Variants in RFPL1 observed in about 807,000 individuals in gnomAD.
The protein encoded by RFPL1 is ret finger protein-like 1.
RFPL1 carries 6 observed loss-of-function variants against 9.6 expected under a neutral mutation model. The observed-to-expected ratio is 0.62, with a 90% CI of 0.34 to 1.23. The LOEUF (loss-of-function observed/expected upper bound fraction) is 1.23. RFPL1 is among the 50% of genes most tolerant of loss of function. The pLI is 0.03. For missense variants in RFPL1, 352 were observed against 398.4 expected (o/e 0.88, Z 0.99); for synonymous variants, 145 against 149.4 (o/e 0.97, Z 0.22).
the RFPL1 span, among the ~76,000 whole-genome samples, chr22:29,406,321 G>A: frequency 6.6e-6 from 1 of 151,748 alleles, no homozygotes; most frequent in African/African-American, 2.4e-5. Context: ...ATTGAACACT[G>A]TTGGGCATTT....
chr22:29,428,713 A>G, the RFPL1 span, among the ~76,000 whole-genome samples: 2 of 152,238 alleles, frequency 1.3e-5, no homozygotes, highest in African/African-American at 4.8e-5. Context: ...CTACAAAAAG[A>G]TATAAATCAA....
chr22:29,406,683 T>G, the RFPL1 span, among the ~76,000 whole-genome samples: 1 of 152,224 alleles, frequency 6.6e-6, no homozygotes, highest in Non-Finnish European at 1.5e-5. Flanking sequence ...GGATCAAAAC[T>G]TTCATCTGTG....
the RFPL1 span, chr22:29,433,576 C>T: frequency 3.0e-5 from 5 of 165,540 alleles, no homozygotes; most frequent in African/African-American, 4.8e-5. Context: ...GTATAACCTG[C>T]GCTCGGCCCA....
the RFPL1 span, among the ~76,000 whole-genome samples, chr22:29,409,730 A>T: frequency 6.6e-6 from 1 of 152,172 alleles, no homozygotes; most frequent in Non-Finnish European, 1.5e-5. Flanking sequence ...CTGACCATGT[A>T]TATTATAGAA....
intron 1 of RFPL1, chr22:29,440,884 C>T (rs1395547134): frequency 6.6e-6 from 1 of 152,340 alleles, no homozygotes; most frequent in Non-Finnish European, 1.5e-5. Flanking sequence ...CAACAAACAA[C>T]TTTCAAATAC....
chr22:29,441,018 A>C (rs1388442895), intron 1 of RFPL1: 2 of 155,122 alleles, frequency 1.3e-5, no homozygotes, highest in Admixed American at 6.3e-5. Flanking sequence ...CCTAATGTCC[A>C]GGACCGGCAC....
the RFPL1 span, among the ~76,000 whole-genome samples, chr22:29,410,991 CAGA>C: frequency 6.6e-6 from 1 of 152,120 alleles, no homozygotes; most frequent in Non-Finnish European, 1.5e-5. Context: ...AGTCACCATG[CAGA>C]AGAACACCCG....
In RFPL1 at chr22:29,441,619, T is replaced by C. The variant is rs1278984691; in HGVS notation, c.451T>C (p.Cys151Arg). The C allele has an allele frequency of 7.4e-6, 12 of 1,613,692 alleles. No individual in the cohort carries two copies. Among genetic ancestry groups the C allele is most frequent in the Admixed American group, 1.7e-5 (1 of 59,968 alleles). The change falls in exon 2 of 2, where the codon TGC (cysteine) becomes CGC (arginine). Residue 151 changes from cysteine to arginine, a missense_variant. Transcript: ENST00000354373. ...CGACCTCAGGAGCGTCCGAAGTGGGTGCATCACACAGAATCGGCAAGACCT... is the reference window on the plus strand; with the variant it reads ...CGACCTCAGGAGCGTCCGAAGTGGGCGCATCACACAGAATCGGCAAGACCT...
chr22:29,435,736 A>T (rs1270815742), upstream of RFPL1, among the ~76,000 whole-genome samples: 4 of 152,182 alleles, frequency 2.6e-5, no homozygotes, highest in Non-Finnish European at 5.9e-5. Flanking sequence ...AAAAATCTTT[A>T]TTTAATATGT....
the RFPL1 span, among the ~76,000 whole-genome samples, chr22:29,425,203 CAAAAA>C: frequency 1.3e-5 from 1 of 78,524 alleles, no homozygotes; most frequent in Non-Finnish European, 2.6e-5. Context: ...GACTCCGTCT[CAAAAA>C]AAAAAAAAAA....
the RFPL1 span, among the ~76,000 whole-genome samples, chr22:29,425,429 G>A: frequency 2.0e-5 from 3 of 152,114 alleles, no homozygotes; most frequent in Non-Finnish European, 4.4e-5. Flanking sequence ...ACCATGGAAA[G>A]GTCCTGGGAC....
At chr22:29,394,619 GGCGTGA>G in the RFPL1 span, among the ~76,000 whole-genome samples, 11 of 152,260 alleles carry the variant, frequency 7.2e-5, no homozygotes, top group Non-Finnish European at 1.3e-4. Context: ...TGGGATTACA[GGCGTGA>G]GCCACTGCAC....
At chr22:29,436,587 A>G (rs1389483026), upstream of RFPL1, 3 of 150,280 alleles carry the variant, frequency 2.0e-5, no homozygotes, top group African/African-American at 7.3e-5. Context: ...CTGACAGAGC[A>G]AGAATCTGTC....
chr22:29,390,020 G>C, the RFPL1 span, among the ~76,000 whole-genome samples: 1 of 152,096 alleles, frequency 6.6e-6, no homozygotes. Flanking sequence ...GGCTGGTCTT[G>C]AACTCCTGAC....
rs2062845060 is a variant in RFPL1, at chr22:29,442,317, A to ATT, written c.*196_*197dup. ...ATTAATTATTGCCACCATCCAACTC[A>ATT]TTGAGTCTTATGGTTCACATCTTGT... On this transcript the variant is annotated 3_prime_UTR_variant, in exon 2 of 2. Transcript: ENST00000354373. 4 of 430,754 alleles carry ATT rather than the reference A, an allele frequency of 9.3e-6. No homozygotes were observed. The East Asian group carries it at 1.3e-4, about 14-fold the overall frequency. The allele number at this position is 430,754 out of a possible 1,614,324, so 26.7% of individuals were successfully genotyped here.
the RFPL1 span, among the ~76,000 whole-genome samples, chr22:29,427,292 A>G: frequency 6.6e-6 from 1 of 152,044 alleles, no homozygotes; most frequent in African/African-American, 2.4e-5. Context: ...CTCTGACCTC[A>G]GGCTGTAGGG....
At chr22:29,410,482 ATT>A in the RFPL1 span, among the ~76,000 whole-genome samples, 10 of 100,060 alleles carry the variant, frequency 1.0e-4, no homozygotes, top group Admixed American at 6.7e-4. Flanking sequence ...AGATATATAT[ATT>A]GTAGATATAT....
the RFPL1 span, among the ~76,000 whole-genome samples, chr22:29,389,694 A>G: frequency 1.3e-5 from 2 of 151,830 alleles, no homozygotes; most frequent in African/African-American, 2.4e-5. Context: ...TCAAAAAAAA[A>G]AAAAAAGAAA....
chr22:29,410,562 A>C, the RFPL1 span, among the ~76,000 whole-genome samples: 1 of 91,534 alleles, frequency 1.1e-5, no homozygotes, highest in Non-Finnish European at 2.5e-5. Flanking sequence ...TATATTGTAG[A>C]TATATATATT....
Sources: allele counts gnomAD v4.1 joint callset (sites outside exome capture counted in the v4.1 genomes callset), GRCh38; gene constraint gnomAD v4.1.1; transcripts MANE v1.5; gene names NCBI Gene and HGNC (gene_info 2026-07-23, HGNC 2026-07-21).